The following IQSEC2 variants were observed in gnomAD, a reference collection of about 807,000 sequenced individuals.
The protein encoded by IQSEC2 is IQ motif and SEC7 domain-containing protein 2.
Under a neutral mutation model 74.6 loss-of-function variants are expected in IQSEC2, and 6 were observed. The observed-to-expected ratio is 0.08, with a 90% CI of 0.04 to 0.16. The LOEUF (loss-of-function observed/expected upper bound fraction) is 0.16. Among genes scored for constraint, IQSEC2 ranks in the 10% least tolerant of loss-of-function variants. IQSEC2 has a pLI of 1.00. For missense variants in IQSEC2, 734 were observed against 1,306.2 expected (o/e 0.56, Z 6.75); for synonymous variants, 494 against 544.5 (o/e 0.91, Z 1.29).
chrX:53,291,027 C>CT (rs1450701289), intron 2 of IQSEC2, among the ~76,000 whole-genome samples: 3 of 112,311 alleles, frequency 2.7e-5, no homozygotes, highest in Non-Finnish European at 3.8e-5. Context: ...CTGGGAAAGA[C>CT]TGTACCCATC....
At chrX:53,287,454 G>A (rs1436059808) in intron 2 of IQSEC2, among the ~76,000 whole-genome samples, 1 of 112,685 alleles carries the variant, frequency 8.9e-6, no homozygotes, top group Non-Finnish European at 1.9e-5. Flanking sequence ...AGCAACAAAC[G>A]CAGCAGCAAC....
At chrX:53,226,182 G>A (rs2074036671), downstream of IQSEC2, 1 of 112,717 alleles carries the variant, frequency 8.9e-6, no homozygotes, top group Non-Finnish European at 1.9e-5. Context: ...TCGTGTGCAT[G>A]TTCCTTGAGC....
chrX:53,266,439 A>G (rs973978764), intron 2 of IQSEC2: 6 of 754,502 alleles, frequency 8.0e-6, no homozygotes, highest in Non-Finnish European at 9.4e-6. Context: ...GGCAGAGGGC[A>G]TGGGGTGAGG....
At chrX:53,297,209 C>T (rs1343953606) in intron 1 of IQSEC2, among the ~76,000 whole-genome samples, 1 of 110,632 alleles carries the variant, frequency 9.0e-6, no homozygotes, top group African/African-American at 3.3e-5. Context: ...ATCATGTTGC[C>T]TAGGCTGGTG....
chrX:53,284,862 G>A (rs1465285184), intron 2 of IQSEC2, among the ~76,000 whole-genome samples: 2 of 111,472 alleles, frequency 1.8e-5, no homozygotes, highest in African/African-American at 6.5e-5. Context: ...TGGCCAGGCC[G>A]ACCCAGGAGG....
At chrX:53,227,769 G>A (rs185534145), downstream of IQSEC2, 469 of 213,421 alleles carry the variant, frequency 2.2e-3, 8 homozygotes, top group Admixed American at 0.029. Context: ...AGTACAAAGA[G>A]CATGAATCAG....
At chrX:53,311,965 T>C (rs1265939384) in intron 1 of IQSEC2, among the ~76,000 whole-genome samples, 2 of 110,927 alleles carry the variant, frequency 1.8e-5, no homozygotes, top group African/African-American at 6.6e-5. Context: ...AGCAGAAAGC[T>C]CCTGACGCTG....
At chrX:53,279,021 A>G (rs2074891993) in intron 2 of IQSEC2, 1 of 111,252 alleles carries the variant, frequency 9.0e-6, no homozygotes, top group Non-Finnish European at 1.9e-5. Context: ...ACTAAAAGAA[A>G]AATACAAAAA....
downstream of IQSEC2, among the ~76,000 whole-genome samples, chrX:53,232,449 A>G (rs1339924963): frequency 9.0e-6 from 1 of 111,578 alleles, no homozygotes; most frequent in Admixed American, 9.5e-5. Context: ...GGAAGGAAGC[A>G]TTCATCCTAT....
At chrX:53,282,755 G>C (rs1273826524) in intron 2 of IQSEC2, among the ~76,000 whole-genome samples, 5 of 101,467 alleles carry the variant, frequency 4.9e-5, no homozygotes, top group Non-Finnish European at 8.0e-5. Context: ...GGTCCTCAAG[G>C]CTCTGGCCTT....
intron 2 of IQSEC2, among the ~76,000 whole-genome samples, chrX:53,265,933 T>C (rs2074649218): frequency 8.9e-6 from 1 of 112,557 alleles, no homozygotes; most frequent in Non-Finnish European, 1.9e-5. Flanking sequence ...AATCCCAAAA[T>C]CACTGCATTG....
Position 53,298,671 on chromosome X carries a change from C to T in IQSEC2, c.708-6747G>A, listed in dbSNP as rs782578828. On this transcript the variant is annotated intron_variant, in intron 1 of 14. Coordinates refer to ENST00000642864, the MANE Select transcript of IQSEC2 (RefSeq NM_001111125.3). ...TCTTGTATTATGTCTTTGAGAATTT[C>T]CTTCCTGCTGTTCCCTCCATTCTCT... Among the ~76,000 whole-genome samples, 8 of 111,287 alleles carry T rather than the reference C, an allele frequency of 7.2e-5. No homozygotes were observed. The Admixed American group carries it at 7.6e-4, about 11-fold the overall frequency.
chrX:53,316,389 C>T (rs782724153), intron 1 of IQSEC2, among the ~76,000 whole-genome samples: 2 of 111,525 alleles, frequency 1.8e-5, no homozygotes, highest in Non-Finnish European at 3.8e-5. Context: ...GTACCCAAGA[C>T]CCCAAAGGAG....
At chrX:53,291,695 T>C (rs2075101760) in intron 2 of IQSEC2, among the ~76,000 whole-genome samples, 200 bp downstream of exon 2, 1 of 110,676 alleles carries the variant, frequency 9.0e-6, no homozygotes, top group Admixed American at 9.6e-5. Context: ...TAAGGAACAG[T>C]CTTGAACCCC....
In IQSEC2 at chrX:53,248,245, C is replaced by T. The variant is rs1556862460; in HGVS notation, c.2460-9G>A. 8.3e-7 allele frequency: 1 copy of T among 1,206,512 alleles called. No homozygotes were observed. The highest frequency in any genetic ancestry group is 1.1e-6 in the Non-Finnish European group (1 of 893,563). ...TCTCATCCACCACACAGCTAAGGAGCAAAGAAGGAGGTGTGGCGCTTTCAA... is the reference window on the plus strand; with the variant it reads ...TCTCATCCACCACACAGCTAAGGAGTAAAGAAGGAGGTGTGGCGCTTTCAA... On this transcript the variant is annotated splice_polypyrimidine_tract_variant and intron_variant, in intron 6 of 14. Transcript: ENST00000642864.
At chrX:53,266,521 G>T in intron 2 of IQSEC2, 1 of 758,387 alleles carries the variant, frequency 1.3e-6, no homozygotes, top group Non-Finnish European at 1.6e-6. Flanking sequence ...TAGGCAGGCT[G>T]GGTCCTGCCC....
At chrX:53,260,290 C>T (rs782180497) in intron 2 of IQSEC2, among the ~76,000 whole-genome samples, 8 of 111,211 alleles carry the variant, frequency 7.2e-5, no homozygotes, top group East Asian at 2.8e-4. Flanking sequence ...CGCAAAGGCC[C>T]GGAGGTAGAA....
chrX:53,295,842 T>C (rs1311074618), intron 1 of IQSEC2, among the ~76,000 whole-genome samples: 6 of 110,090 alleles, frequency 5.5e-5, no homozygotes, highest in Non-Finnish European at 9.5e-5. Context: ...ATGGTGCCTC[T>C]TCCCAGGAAC....
Position 53,255,945 on chromosome X carries a change from G to T in IQSEC2, c.854C>A (p.Pro285His). Residue 285 changes from proline to histidine, a missense_variant, in exon 3 of 15, where the codon CCT (proline) becomes CAT (histidine). By Grantham distance (77) the Pro-to-His change is moderately conservative. Transcript: ENST00000642864. ...PPSSSHMGGP[P>H]AGVGLPWAQR... The stretch of plus-strand genomic sequence containing the variant: ...AGCCCAGGGAAGGCCCACTCCAGCA[G>T]GGGGGCCCCCCATGTGGCTGCTGGA... 1 of 1,196,265 alleles carries T rather than the reference G, an allele frequency of 8.4e-7. No individual in the cohort carries two copies. The highest frequency in any genetic ancestry group is 1.8e-5 in the South Asian group (1 of 55,211).
Sources: gnomAD v4.1 joint callset for allele counts (sites outside exome capture counted in the v4.1 genomes callset) on GRCh38, gnomAD v4.1.1 for gene constraint, MANE v1.5 for transcripts, NCBI Gene and HGNC (gene_info 2026-07-23, HGNC 2026-07-21) for gene names.